SEMA3C: variants seen among roughly 807,000 people sequenced by gnomAD.
SEMA3C encodes the protein semaphorin-3C.
A neutral mutation model predicts 89.4 loss-of-function variants in SEMA3C; 47 were observed. That is an observed-to-expected ratio of 0.53 (90% CI 0.42 to 0.67). The LOEUF (loss-of-function observed/expected upper bound fraction) is 0.67. Ranked by LOEUF, SEMA3C falls within the 30% of genes least tolerant of loss-of-function variation. The pLI is 0.00. For missense variants in SEMA3C, 839 were observed against 929.1 expected (o/e 0.90, Z 1.26); for synonymous variants, 310 against 320.2 (o/e 0.97, Z 0.34).
chr7:80,884,219 G>A (rs1791419154), intron 2 of SEMA3C, among the ~76,000 whole-genome samples: 1 of 152,120 alleles, frequency 6.6e-6, no homozygotes, highest in Admixed American at 6.6e-5. Context: ...TCTCCTAAAA[G>A]ATGTGAAATA....
At chr7:80,910,612 G>T (rs572898333) in intron 2 of SEMA3C, among the ~76,000 whole-genome samples, 1 of 150,132 alleles carries the variant, frequency 6.7e-6, no homozygotes, top group Non-Finnish European at 1.5e-5. Context: ...AAAAGTGCTG[G>T]AATCTGCCCA....
chr7:80,777,763 C>A (rs1788584794), intron 12 of SEMA3C, among the ~76,000 whole-genome samples: 1 of 152,130 alleles, frequency 6.6e-6, no homozygotes, highest in Admixed American at 6.5e-5. Flanking sequence ...CAGAGTTAAA[C>A]CTTTAGGCAG....
At chr7:80,880,100 G>A (rs1342564741) in intron 2 of SEMA3C, among the ~76,000 whole-genome samples, 1 of 151,942 alleles carries the variant, frequency 6.6e-6, no homozygotes, top group Non-Finnish European at 1.5e-5. Context: ...CCTCTGTCTG[G>A]AATGCTCTTC....
At chr7:80,841,815 A>C (rs1790275975) in intron 2 of SEMA3C, among the ~76,000 whole-genome samples, 1 of 152,198 alleles carries the variant, frequency 6.6e-6, no homozygotes, top group Non-Finnish European at 1.5e-5. Context: ...CTTTATGAAC[A>C]AAGAGATGGG....
At chr7:80,846,445 C>T (rs1007509260) in intron 2 of SEMA3C, among the ~76,000 whole-genome samples, 1 of 152,216 alleles carries the variant, frequency 6.6e-6, no homozygotes, top group African/African-American at 2.4e-5. Flanking sequence ...TAACCTCTAA[C>T]TCCTGGGCTC....
At chr7:80,776,706 G>A (rs924650617) in intron 12 of SEMA3C, among the ~76,000 whole-genome samples, 3 of 152,164 alleles carry the variant, frequency 2.0e-5, no homozygotes, top group Non-Finnish European at 4.4e-5. Context: ...TGTTACTGAA[G>A]TTTTAAAAAT....
chr7:80,768,167 C>G (rs947328574), intron 12 of SEMA3C, among the ~76,000 whole-genome samples: 1 of 152,190 alleles, frequency 6.6e-6, no homozygotes, highest in African/African-American at 2.4e-5. Context: ...TTTGCAGGCT[C>G]TAGTTTTAAT....
chr7:80,913,953 G>C (rs1404687018), intron 2 of SEMA3C, among the ~76,000 whole-genome samples: 1 of 152,162 alleles, frequency 6.6e-6, no homozygotes, highest in African/African-American at 2.4e-5. Context: ...AAGACTGAGT[G>C]GTTTCTTCTC....
intron 4 of SEMA3C, among the ~76,000 whole-genome samples, chr7:80,821,928 G>A (rs530889535): frequency 1.3e-4 from 19 of 151,388 alleles, no homozygotes; most frequent in Non-Finnish European, 2.5e-4. Flanking sequence ...ACTATCTGTT[G>A]CTCAATGTGC....
chr7:80,774,648 G>T (rs1788505630), intron 12 of SEMA3C, among the ~76,000 whole-genome samples: 1 of 152,058 alleles, frequency 6.6e-6, no homozygotes, highest in Non-Finnish European at 1.5e-5. Flanking sequence ...TGAACTTGAA[G>T]ACAGATTATA....
intron 12 of SEMA3C, among the ~76,000 whole-genome samples, chr7:80,777,946 C>A (rs1788589044): frequency 6.6e-6 from 1 of 152,110 alleles, no homozygotes; most frequent in Non-Finnish European, 1.5e-5. Flanking sequence ...TGACTTCATA[C>A]TTTATTTATT....
intron 12 of SEMA3C, among the ~76,000 whole-genome samples, chr7:80,773,275 A>G (rs1419212153): frequency 6.6e-6 from 1 of 152,174 alleles, no homozygotes. Context: ...GAATTTTCAT[A>G]TGTTTTGAAA....
chr7:80,884,049 T>C (rs1791415253), intron 2 of SEMA3C, among the ~76,000 whole-genome samples: 1 of 152,198 alleles, frequency 6.6e-6, no homozygotes, highest in South Asian at 2.1e-4. Flanking sequence ...CTTGTTAACA[T>C]GGTACATTTT....
chr7:80,749,819 G>A (rs1353511478), intron 16 of SEMA3C, among the ~76,000 whole-genome samples: 1 of 152,094 alleles, frequency 6.6e-6, no homozygotes, highest in Non-Finnish European at 1.5e-5. Flanking sequence ...TGAGCATTGA[G>A]TGAAATAATC....
chr7:80,819,066 T>C (rs1789682123), intron 4 of SEMA3C, among the ~76,000 whole-genome samples: 1 of 152,202 alleles, frequency 6.6e-6, no homozygotes, highest in Admixed American at 6.5e-5. Context: ...ATGCCCTGCT[T>C]TTTCTATTTC....
chr7:80,906,294 C>T (rs953687884), intron 2 of SEMA3C, among the ~76,000 whole-genome samples: 1 of 152,100 alleles, frequency 6.6e-6, no homozygotes, highest in Non-Finnish European at 1.5e-5. Context: ...TGCAACTATG[C>T]TTTACTATCA....
intron 6 of SEMA3C, among the ~76,000 whole-genome samples, chr7:80,809,733 A>T (rs1254639802): frequency 6.6e-6 from 1 of 152,198 alleles, no homozygotes. Context: ...ATGGATTTTT[A>T]AAAACATGGT....
At chr7:80,773,312 T>C (rs960315952) in intron 12 of SEMA3C, among the ~76,000 whole-genome samples, 1 of 152,116 alleles carries the variant, frequency 6.6e-6, no homozygotes, top group African/African-American at 2.4e-5. Context: ...TTTATGAAAT[T>C]GTAAAAATAA....
At chr7:80,919,279 G>T (rs1256785483), upstream of SEMA3C, 4 of 984,020 alleles carry the variant, frequency 4.1e-6, no homozygotes, top group East Asian at 3.4e-4. Flanking sequence ...TAGAGCTCGC[G>T]GCTGGCCAGA....
Sources: gnomAD v4.1 joint callset for allele counts (sites outside exome capture counted in the v4.1 genomes callset) on GRCh38, gnomAD v4.1.1 for gene constraint, MANE v1.5 for transcripts, NCBI Gene and HGNC (gene_info 2026-07-23, HGNC 2026-07-21) for gene names.